ZFYVE27: variants seen among roughly 807,000 people sequenced by gnomAD.
ZFYVE27 encodes the protein zinc finger FYVE-type containing 27, also known as protrudin.
A neutral mutation model predicts 52.8 loss-of-function variants in ZFYVE27; 36 were observed. The ratio of observed to expected loss-of-function variants is 0.68; its 90% confidence interval spans 0.52 to 0.90. ZFYVE27 has a LOEUF of 0.90. Among genes scored for constraint, ZFYVE27 ranks in the 40% least tolerant of loss-of-function variants. The probability of loss-of-function intolerance (pLI) is 0.00; values close to 1 mark genes in which losing one functional copy is unlikely to be tolerated. For synonymous variants in ZFYVE27, 223 were observed against 215.6 expected, an observed-to-expected ratio of 1.03 and a Z score of -0.30; for missense variants, 450 against 527.2, an observed-to-expected ratio of 0.85 and a Z score of 1.43.
In ZFYVE27 at chr10:97,741,375, A is replaced by G. The variant is rs151231887; in HGVS notation, c.198-1719A>G. On this transcript the variant is annotated intron_variant, in intron 2 of 12. Transcript: ENST00000684270. ...TTGGAACCAACCTAAATGTCCATCA[A>G]TGATAGACTGGATAAAGAAAACGTG... Among the ~76,000 whole-genome samples the G allele has an allele frequency of 3.6e-3, 555 of 152,368 alleles. 4 individuals carry two copies. Among genetic ancestry groups the G allele is most frequent in the African/African-American group, 0.011 (477 of 41,580 alleles).
At chr10:97,758,655 T>G (rs928009569) in intron 12 of ZFYVE27, among the ~76,000 whole-genome samples, 1 of 152,210 alleles carries the variant, frequency 6.6e-6, no homozygotes, top group Non-Finnish European at 1.5e-5. Context: ...AAGTAACATA[T>G]GCTTACTAAC....
In ZFYVE27 at chr10:97,759,244, G is replaced by A. The variant is rs758588326; in HGVS notation, c.1180G>A (p.Ala394Thr). ...TTCTTCCTCCTTTTCAGCCCCTGAA[G>A]CCCAGAGGGAGACTGTGTTTGTGTG... is the stretch of plus-strand genomic sequence containing the variant. ...KSSMGATAPEAQRETVFVCAS... is the reference protein window; with the variant it reads ...KSSMGATAPETQRETVFVCAS... Residue 394 changes from alanine (A) to threonine (T), a missense_variant, in exon 13 of 13, where the codon GCC (alanine) becomes ACC (threonine). By Grantham distance (58) the Ala-to-Thr change is moderately conservative. Transcript: ENST00000684270. 1.2e-6 allele frequency: 2 copies of A among 1,614,076 alleles called. No homozygotes were observed. The highest frequency in any genetic ancestry group is 1.3e-5 in the African/African-American group (1 of 74,930).
chr10:97,738,892 A>G (rs2042823220), intron 2 of ZFYVE27: 1 of 585,558 alleles, frequency 1.7e-6, no homozygotes, highest in Non-Finnish European at 3.1e-6. Flanking sequence ...CCTGCCTTTC[A>G]GCAAGGTTCT....
intron 4 of ZFYVE27, among the ~76,000 whole-genome samples, chr10:97,745,904 TAAAC>T (rs1414256479): frequency 2.0e-5 from 3 of 152,134 alleles, no homozygotes; most frequent in African/African-American, 7.2e-5. Context: ...AGAAAAGTTA[TAAAC>T]AAACAGATGG....
At chr10:97,757,206 C>T in intron 10 of ZFYVE27, 59 bp from the exon 11 acceptor site, 1 of 1,611,854 alleles carries the variant, frequency 6.2e-7, no homozygotes, top group Non-Finnish European at 8.5e-7. Flanking sequence ...GCGCCAGGAG[C>T]AGGTGAGCGT....
intron 10 of ZFYVE27, 113 bp downstream of exon 10, chr10:97,753,295 T>G: frequency 6.9e-7 from 1 of 1,456,668 alleles, no homozygotes; most frequent in South Asian, 1.3e-5. Flanking sequence ...GGTACTGACT[T>G]GTGACAAGAG....
intron 3 of ZFYVE27, 65 bp downstream of exon 3, chr10:97,743,229 C>A: frequency 1.3e-6 from 2 of 1,553,456 alleles, no homozygotes; most frequent in Non-Finnish European, 1.8e-6. Context: ...CACCTGGATG[C>A]AGCCCCACCC....
chr10:97,741,758 A>G (rs967873228), intron 2 of ZFYVE27, among the ~76,000 whole-genome samples: 2 of 152,210 alleles, frequency 1.3e-5, no homozygotes, highest in African/African-American at 2.4e-5. Flanking sequence ...AACTTTAAGT[A>G]TAATAATAAA....
At chr10:97,747,326 T>C (rs1427988788) in intron 4 of ZFYVE27, among the ~76,000 whole-genome samples, 2 of 152,202 alleles carry the variant, frequency 1.3e-5, no homozygotes, top group African/African-American at 4.8e-5. Context: ...ATTTTACTCT[T>C]CATTAGTAGT....
rs960373787 is a variant in ZFYVE27, at chr10:97,749,368, G to T, written c.552-106G>T. On this transcript the variant is annotated intron_variant, in intron 5 of 12. Coordinates refer to ENST00000684270, the MANE Select transcript of ZFYVE27 (RefSeq NM_001385875.1). ...GAGCGGCTCTTGTCAGTTTATTAAT[G>T]TGCCCAGAGCTGTGTCTCACCTGGA... 77 of 830,310 alleles carry T rather than the reference G, an allele frequency of 9.3e-5. No individual in the cohort carries two copies. The highest frequency in any genetic ancestry group is 3.2e-5 in the Non-Finnish European group (15 of 473,590). 51.4% of individuals were successfully genotyped at this position (830,310 alleles called of 1,614,324 possible).
chr10:97,744,991 C>G, intron 4 of ZFYVE27, 76 bp downstream of exon 4: 2 of 1,493,700 alleles, frequency 1.3e-6, no homozygotes, highest in Non-Finnish European at 1.8e-6. Flanking sequence ...GCTTTGTGTG[C>G]TCGACATCAT....
At chr10:97,739,542 A>G (rs2043027795) in intron 2 of ZFYVE27, among the ~76,000 whole-genome samples, 1 of 152,078 alleles carries the variant, frequency 6.6e-6, no homozygotes. Context: ...TTTATCTCTA[A>G]ATAAGGACAT....
chr10:97,749,306 G>A (rs2046309900), intron 5 of ZFYVE27, among the ~76,000 whole-genome samples, 168 bp from the exon 6 acceptor site: 1 of 152,228 alleles, frequency 6.6e-6, no homozygotes, highest in Non-Finnish European at 1.5e-5. Context: ...ACTTGGGATA[G>A]TTCTCAGTCT....
At chr10:97,740,790 T>C (rs1382214257) in intron 2 of ZFYVE27, among the ~76,000 whole-genome samples, 1 of 152,180 alleles carries the variant, frequency 6.6e-6, no homozygotes, top group Admixed American at 6.5e-5. Flanking sequence ...GATTTGACTT[T>C]GAAGAGGGAC....
rs10882995 is a variant in ZFYVE27 at position 97,757,198 on chromosome 10, G to A, written c.1043-67G>A. 1,143,034 of 1,610,832 alleles carry A rather than the reference G, an allele frequency of 0.71. 412,883 individuals are homozygous for A. The highest frequency in any genetic ancestry group is 0.75 in the Non-Finnish European group (879,898 of 1,177,640). ...TGTCCTGAGTGTCCCATTTAGAAGC[G>A]CCAGGAGCAGGTGAGCGTGAGAGTC... On this transcript the variant is annotated intron_variant, in intron 10 of 12. Coordinates refer to ENST00000684270, the MANE Select transcript of ZFYVE27 (RefSeq NM_001385875.1).
At chr10:97,737,645 A>G (rs2042458627) in intron 1 of ZFYVE27, among the ~76,000 whole-genome samples, 1 of 152,124 alleles carries the variant, frequency 6.6e-6, no homozygotes, top group African/African-American at 2.4e-5. Flanking sequence ...GTCGCGGCTG[A>G]TTGCCTGGGA....
rs1224740864 is a variant in ZFYVE27 at position 97,760,690 on chromosome 10, C to G, written c.*1390C>G. ...CCCGCTTTCTTGCCGAGCCAAGCAG[C>G]TTAGCTGGGGCTGTGCAGCCAGGGG... On this transcript the variant is annotated 3_prime_UTR_variant, in exon 13 of 13. Coordinates refer to ENST00000684270, the MANE Select transcript of ZFYVE27 (RefSeq NM_001385875.1). The G allele has an allele frequency of 1.3e-5, 2 of 152,278 alleles. No homozygotes were observed. Among genetic ancestry groups the G allele is most frequent in the East Asian group, 3.9e-4 (2 of 5,180 alleles). 9.4% of individuals were successfully genotyped at this position (152,278 alleles called of 1,614,324 possible).
intron 10 of ZFYVE27, among the ~76,000 whole-genome samples, chr10:97,755,772 G>A (rs1051932517): frequency 6.6e-6 from 1 of 152,208 alleles, no homozygotes; most frequent in African/African-American, 2.4e-5. Flanking sequence ...TTGGTGGGGA[G>A]GGCCCCCCTT....
intron 6 of ZFYVE27, 190 bp from the exon 7 acceptor site, chr10:97,750,141 T>G: frequency 1.5e-6 from 1 of 647,252 alleles, no homozygotes; most frequent in Admixed American, 2.3e-5. Context: ...TGTAGCTGTC[T>G]GGGGCAGGTG....
Sources: allele counts gnomAD v4.1 joint callset (sites outside exome capture counted in the v4.1 genomes callset), GRCh38; gene constraint gnomAD v4.1.1; transcripts MANE v1.5; gene names NCBI Gene and HGNC (gene_info 2026-07-23, HGNC 2026-07-21).